Variants in LGR5 observed in about 807,000 individuals in gnomAD.
The protein encoded by LGR5 is leucine-rich repeat-containing G protein-coupled receptor 5.
Under a neutral mutation model 76.7 loss-of-function variants are expected in LGR5, and 54 were observed. That is an observed-to-expected ratio of 0.70 (90% CI 0.57 to 0.88). LGR5 has a LOEUF of 0.88. LGR5 is among the 40% of genes least tolerant of loss of function. LGR5 has a pLI of 0.00. For missense variants in LGR5, 1,078 were observed against 1,073.3 expected (o/e 1.00, Z -0.06); for synonymous variants, 406 against 421.9 (o/e 0.96, Z 0.46).
chr12:71,544,256 ATTCTT>A (rs374311110), intron 4 of LGR5, among the ~76,000 whole-genome samples: 12 of 136,428 alleles, frequency 8.8e-5, no homozygotes, highest in South Asian at 2.3e-4. Context: ...GAAAGGGGAA[ATTCTT>A]TTTTTTTTTT....
At chr12:71,566,794 G>A (rs1878369164) in intron 10 of LGR5, 47 bp from the exon 11 acceptor site, 1 of 1,585,320 alleles carries the variant, frequency 6.3e-7, no homozygotes, top group African/African-American at 1.3e-5. Context: ...ATATGTCACT[G>A]TGTGATGCCT....
At chr12:71,531,657 C>T (rs949748525) in intron 3 of LGR5, among the ~76,000 whole-genome samples, 1 of 152,080 alleles carries the variant, frequency 6.6e-6, no homozygotes, top group African/African-American at 2.4e-5. Flanking sequence ...CATTTGAGGT[C>T]AGGAGTTCAA....
At chr12:71,500,281 T>G (rs2137296754) in intron 1 of LGR5, among the ~76,000 whole-genome samples, 1 of 152,208 alleles carries the variant, frequency 6.6e-6, no homozygotes, top group East Asian at 1.9e-4. Flanking sequence ...CTTCCTCAGT[T>G]TCGAGTTGTA....
chr12:71,536,629 G>A (rs556996224), intron 4 of LGR5, among the ~76,000 whole-genome samples: 3 of 152,344 alleles, frequency 2.0e-5, no homozygotes, highest in East Asian at 1.9e-4. Flanking sequence ...TGATAATGGC[G>A]GTAGCCAGTA....
At chr12:71,575,901 C>T (rs374416952) in intron 13 of LGR5, among the ~76,000 whole-genome samples, 11 of 152,138 alleles carry the variant, frequency 7.2e-5, no homozygotes, top group Non-Finnish European at 7.3e-5. Context: ...TGGAATACTA[C>T]GCAGCCATAA....
chr12:71,542,846 T>C (rs1197427740), intron 4 of LGR5, among the ~76,000 whole-genome samples: 2 of 152,014 alleles, frequency 1.3e-5, no homozygotes, highest in African/African-American at 4.8e-5. Flanking sequence ...GTCACATAGT[T>C]TGAAATCCAG....
chr12:71,516,107 A>G (rs1875420871), intron 2 of LGR5, among the ~76,000 whole-genome samples: 1 of 152,166 alleles, frequency 6.6e-6, no homozygotes, highest in African/African-American at 2.4e-5. Flanking sequence ...AAGAAGAAAA[A>G]GGGAGGAAAA....
chr12:71,459,892 T>C (rs75746310), intron 1 of LGR5, among the ~76,000 whole-genome samples: 1 of 152,126 alleles, frequency 6.6e-6, no homozygotes, highest in Admixed American at 6.6e-5. Context: ...ATTTTTCTCA[T>C]CTGTGAAATA....
intron 1 of LGR5, among the ~76,000 whole-genome samples, chr12:71,487,929 T>C (rs73340127): frequency 0.023 from 3,471 of 152,128 alleles, 136 homozygotes; most frequent in African/African-American, 0.079. Flanking sequence ...CATCCCCTTT[T>C]CTTTAATAGC....
At chr12:71,518,784 A>G (rs1875573188) in intron 2 of LGR5, among the ~76,000 whole-genome samples, 1 of 152,192 alleles carries the variant, frequency 6.6e-6, no homozygotes, top group Non-Finnish European at 1.5e-5. Context: ...TGGGAGCTAA[A>G]TGATGAGAAC....
chr12:71,506,222 C>G (rs993795791), intron 2 of LGR5, among the ~76,000 whole-genome samples: 1 of 152,056 alleles, frequency 6.6e-6, no homozygotes, highest in East Asian at 1.9e-4. Context: ...GCCCTGTTTA[C>G]CCCCATATTT....
chr12:71,560,621 G>A (rs919516948), intron 7 of LGR5, among the ~76,000 whole-genome samples: 5 of 152,120 alleles, frequency 3.3e-5, no homozygotes, highest in Admixed American at 6.6e-5. Flanking sequence ...GTGAAACCCC[G>A]TCTCTACTAA....
Position 71,475,712 on chromosome 12 carries a change from C to A in LGR5, c.213-28902C>A, listed in dbSNP as rs550807558. Among the ~76,000 whole-genome samples, 196 of 151,950 alleles carry A rather than the reference C, an allele frequency of 1.3e-3. 5 individuals carry two copies. The highest frequency in any genetic ancestry group is 3.9e-4 in the Admixed American group (6 of 15,254). The stretch of plus-strand genomic sequence containing the variant: ...TTTAAGTGTCAGGGCCTCTTGGAAC[C>A]CTAACAAAAGAAAGGTTGTGATTAA... On this transcript the variant is annotated intron_variant, in intron 1 of 17. Coordinates refer to ENST00000266674, the MANE Select transcript of LGR5 (RefSeq NM_003667.4).
At chr12:71,579,820 C>T (rs1014188912) in intron 15 of LGR5, among the ~76,000 whole-genome samples, 1 of 152,132 alleles carries the variant, frequency 6.6e-6, no homozygotes, top group Non-Finnish European at 1.5e-5. Flanking sequence ...CATCCAGGAA[C>T]AAAAATCTTA....
chr12:71,495,878 C>T (rs1874291835), intron 1 of LGR5, among the ~76,000 whole-genome samples: 2 of 151,798 alleles, frequency 1.3e-5, no homozygotes, highest in African/African-American at 4.9e-5. Flanking sequence ...TGTATAGTTT[C>T]ACTTGTTACA....
chr12:71,533,937 G>T (rs1876455585), intron 3 of LGR5, among the ~76,000 whole-genome samples: 2 of 152,172 alleles, frequency 1.3e-5, no homozygotes, highest in African/African-American at 4.8e-5. Context: ...ATGCTGCCTG[G>T]TGCACTGGAA....
chr12:71,566,611 C>T (rs754027007), intron 9 of LGR5, 21 bp from the exon 10 acceptor site: 2 of 1,594,854 alleles, frequency 1.3e-6, no homozygotes, highest in South Asian at 2.2e-5. Flanking sequence ...ACCAGTAATA[C>T]TTATATACTC....
At chr12:71,550,853 C>T (rs906626571) in intron 4 of LGR5, among the ~76,000 whole-genome samples, 2 of 152,180 alleles carry the variant, frequency 1.3e-5, no homozygotes, top group African/African-American at 4.8e-5. Context: ...AAGTCTCTAT[C>T]CTTTAATCAG....
intron 1 of LGR5, among the ~76,000 whole-genome samples, chr12:71,464,457 A>G (rs7966295): frequency 0.027 from 4,056 of 152,336 alleles, 183 homozygotes; most frequent in African/African-American, 0.092. Context: ...AGTACATGAC[A>G]TGAAATACAC....
Sources: allele counts gnomAD v4.1 joint callset (sites outside exome capture counted in the v4.1 genomes callset), GRCh38; gene constraint gnomAD v4.1.1; transcripts MANE v1.5; gene names NCBI Gene and HGNC (gene_info 2026-07-23, HGNC 2026-07-21).